Variants in PHACTR1 observed in about 807,000 individuals in gnomAD.
PHACTR1 encodes the protein RPEL repeat containing 1.
In PHACTR1, 16 loss-of-function variants were observed where a neutral mutation model predicts 69.2. That is an observed-to-expected ratio of 0.23 (90% CI 0.16 to 0.35). The LOEUF is 0.35. Among genes scored for constraint, PHACTR1 ranks in the 10% least tolerant of loss-of-function variants. The probability of loss-of-function intolerance (pLI) is 1.00; values close to 1 mark genes in which losing one functional copy is unlikely to be tolerated. For missense variants in PHACTR1, 510 were observed against 734.7 expected, an observed-to-expected ratio of 0.69 and a Z score of 3.54; for synonymous variants, 312 against 284.5, an observed-to-expected ratio of 1.10 and a Z score of -0.97.
intron 5 of PHACTR1, among the ~76,000 whole-genome samples, chr6:13,093,888 T>C (rs1017251238): frequency 1.3e-5 from 2 of 152,280 alleles, no homozygotes; most frequent in African/African-American, 4.8e-5. Context: ...TCTTTTTATT[T>C]TGAGACAGGG....
intron 5 of PHACTR1, among the ~76,000 whole-genome samples, chr6:13,099,598 A>T (rs1482268178): frequency 6.6e-6 from 1 of 152,194 alleles, no homozygotes; most frequent in Non-Finnish European, 1.5e-5. Context: ...GTGGATGTGG[A>T]TGTGGGTGTG....
At chr6:13,082,318 A>G (rs141528464) in intron 5 of PHACTR1, among the ~76,000 whole-genome samples, 1 of 152,314 alleles carries the variant, frequency 6.6e-6, no homozygotes, top group African/African-American at 2.4e-5. Flanking sequence ...ATATTATTAT[A>G]TCTTCAGTGT....
At chr6:13,036,809 A>G (rs4367379) in intron 4 of PHACTR1, among the ~76,000 whole-genome samples, 71,282 of 152,094 alleles carry the variant, frequency 0.47, 19,272 homozygotes, top group East Asian at 0.83. Flanking sequence ...AATCTTAACT[A>G]CAGTGGTTTG....
At chr6:13,280,511 C>G (rs564338410) in intron 12 of PHACTR1, 2 of 170,418 alleles carry the variant, frequency 1.2e-5, no homozygotes, top group African/African-American at 2.4e-5. Context: ...GAGCATTTAT[C>G]ACACTGAGAC....
At chr6:12,873,225 C>T (rs1782227881) in intron 4 of PHACTR1, among the ~76,000 whole-genome samples, 1 of 151,846 alleles carries the variant, frequency 6.6e-6, no homozygotes, top group Non-Finnish European at 1.5e-5. Flanking sequence ...CCATGTTGCC[C>T]AGGCTGGTCT....
chr6:12,894,041 T>G (rs866287361), intron 4 of PHACTR1, among the ~76,000 whole-genome samples: 1 of 152,210 alleles, frequency 6.6e-6, no homozygotes, highest in African/African-American at 2.4e-5. Context: ...GGGATTTTTA[T>G]TGGTCTCTTT....
At chr6:13,285,366 T>C (rs1188310405) in intron 13 of PHACTR1, among the ~76,000 whole-genome samples, 1 of 152,142 alleles carries the variant, frequency 6.6e-6, no homozygotes, top group Non-Finnish European at 1.5e-5. Context: ...CCTGGGGCCT[T>C]GATATTCCCA....
At chr6:13,178,373 C>T (rs1288655731) in intron 6 of PHACTR1, among the ~76,000 whole-genome samples, 1 of 152,212 alleles carries the variant, frequency 6.6e-6, no homozygotes, top group African/African-American at 2.4e-5. Flanking sequence ...GGACGAGGCA[C>T]AATTACACTG....
In PHACTR1 at chr6:12,725,091, G is replaced by C. The variant is rs61690602; in HGVS notation, c.103+6244G>C. 2.2e-3 allele frequency among the ~76,000 whole-genome samples: 333 copies of C among 152,276 alleles called. 1 individual carries two copies. The highest frequency in any genetic ancestry group is 7.8e-3 in the African/African-American group (324 of 41,554). The stretch of plus-strand genomic sequence containing the variant: ...CAACTGATGAATGCCACAGTGAGCA[G>C]CTAAGAGTCTCTTTAAGTTGTTTTT... On this transcript the variant is annotated intron_variant, in intron 3 of 14. Transcript: ENST00000332995.
intron 11 of PHACTR1, among the ~76,000 whole-genome samples, chr6:13,277,406 G>A (rs183598000): frequency 1.1e-4 from 16 of 152,294 alleles, no homozygotes; most frequent in Admixed American, 9.8e-4. Context: ...TCAAACAATC[G>A]ATGGAATCAG....
intron 7 of PHACTR1, among the ~76,000 whole-genome samples, chr6:13,183,360 A>T (rs551832777): frequency 2.8e-4 from 40 of 141,672 alleles, no homozygotes; most frequent in African/African-American, 1.0e-3. Context: ...GGGAGAAGGA[A>T]CCTCTTGCAA....
At chr6:13,161,743 T>A (rs1447334313) in intron 6 of PHACTR1, among the ~76,000 whole-genome samples, 1 of 152,150 alleles carries the variant, frequency 6.6e-6, no homozygotes, top group Non-Finnish European at 1.5e-5. Flanking sequence ...CCTCCTTCAT[T>A]CTTGTCATGG....
chr6:13,273,022 A>G lies in PHACTR1; in HGVS notation c.1447+107A>G, dbSNP rs891777719. 14 of 1,486,576 alleles carry G rather than the reference A, an allele frequency of 9.4e-6. No individual in the cohort carries two copies. In the Admixed American group the frequency reaches 2.6e-4, roughly 28 times the overall value. 92.1% of individuals were successfully genotyped at this position (1,486,576 alleles called of 1,614,324 possible). The stretch of plus-strand genomic sequence containing the variant: ...CCTTGCGCCTCTGCGGAAAGCATTG[A>G]AAACCTTTCTAACGGTTGAAGCTTC... On this transcript the variant is annotated intron_variant, in intron 11 of 14. Coordinates refer to ENST00000332995, the MANE Select transcript of PHACTR1 (RefSeq NM_030948.6).
In PHACTR1 at chr6:12,919,217, A is replaced by C. The variant is rs147270445; in HGVS notation, c.251-134148A>C. ...GAGTGCAATGGTGCAATCTTGGCTCACTGCAACCTCTGACTCCCAGGTTCA... is the reference window on the plus strand; with the variant it reads ...GAGTGCAATGGTGCAATCTTGGCTCCCTGCAACCTCTGACTCCCAGGTTCA... On this transcript the variant is annotated intron_variant, in intron 4 of 14. Transcript: ENST00000332995. Among the ~76,000 whole-genome samples the C allele has an allele frequency of 4.2e-3, 644 of 152,266 alleles. 2 individuals are homozygous for C. The highest frequency in any genetic ancestry group is 0.014 in the African/African-American group (602 of 41,544).
At chr6:12,969,613 T>G (rs982894108) in intron 4 of PHACTR1, among the ~76,000 whole-genome samples, 2 of 152,082 alleles carry the variant, frequency 1.3e-5, no homozygotes, top group African/African-American at 2.4e-5. Context: ...GACACATAAT[T>G]GAGAACTCAG....
rs1211873055 is a variant in PHACTR1 at position 13,052,642 on chromosome 6, A to G, written c.251-723A>G. Among the ~76,000 whole-genome samples, 3 of 152,234 alleles carry G rather than the reference A, an allele frequency of 2.0e-5. No homozygotes were observed. The East Asian group carries it at 5.8e-4, about 29-fold the overall frequency. On this transcript the variant is annotated intron_variant, in intron 4 of 14. Coordinates refer to ENST00000332995, the MANE Select transcript of PHACTR1 (RefSeq NM_030948.6). ...GGCATTATGAGATTGAAAGTTGAAT[A>G]TGCTCAAGTGTTCTATTATTGGGAT...
intron 4 of PHACTR1, among the ~76,000 whole-genome samples, chr6:12,793,613 G>C (rs1772608558): frequency 1.3e-5 from 2 of 152,204 alleles, no homozygotes; most frequent in African/African-American, 4.8e-5. Context: ...ACTCAGAAAA[G>C]AAGAATGACT....
intron 5 of PHACTR1, among the ~76,000 whole-genome samples, chr6:13,109,833 CGTGTGTGTGT>C (rs58370068): frequency 2.7e-5 from 4 of 146,080 alleles, no homozygotes; most frequent in East Asian, 2.1e-4. Context: ...ATTTTTTCAG[CGTGTGTGTGT>C]GTGTGTGTGT....
Position 12,898,881 on chromosome 6 carries a change from T to C in PHACTR1, c.250+149091T>C, listed in dbSNP as rs573638978. On this transcript the variant is annotated intron_variant, in intron 4 of 14. Transcript: ENST00000332995. The stretch of plus-strand genomic sequence containing the variant: ...CCCCTGCACCGCACTGCAGCCCTGT[T>C]CCCAGTACTTGCAGTTCCTTCAACT... Among the ~76,000 whole-genome samples the C allele has an allele frequency of 3.3e-5, 5 of 152,316 alleles. No homozygotes were observed. The East Asian group carries it at 9.6e-4, about 29-fold the overall frequency.
Sources: gnomAD v4.1 joint callset for allele counts (sites outside exome capture counted in the v4.1 genomes callset) on GRCh38, gnomAD v4.1.1 for gene constraint, MANE v1.5 for transcripts, NCBI Gene and HGNC (gene_info 2026-07-23, HGNC 2026-07-21) for gene names.